SLC24A1: variants seen among roughly 807,000 people sequenced by gnomAD.
SLC24A1 encodes sodium/potassium/calcium exchanger 1.
SLC24A1 carries 52 observed loss-of-function variants against 88.1 expected under a neutral mutation model. The observed-to-expected ratio is 0.59, with a 90% CI of 0.47 to 0.74. SLC24A1 has a LOEUF of 0.74. Ranked by LOEUF, SLC24A1 falls within the 30% of genes least tolerant of loss-of-function variation. The pLI is 0.00. For missense variants in SLC24A1, 1,173 were observed against 1,363.3 expected (o/e 0.86, Z 2.20); for synonymous variants, 455 against 498.0 (o/e 0.91, Z 1.15).
intron 6 of SLC24A1, 127 bp downstream of exon 6, chr15:65,645,830 C>T (rs1398800138): frequency 1.6e-6 from 1 of 643,956 alleles, no homozygotes; most frequent in Non-Finnish European, 2.7e-6. Flanking sequence ...GTAAATATTA[C>T]CCTTTCTCTG....
intron 8 of SLC24A1, 138 bp from the exon 9 acceptor site, chr15:65,652,503 CT>C (rs1258439097): frequency 8.6e-6 from 6 of 694,056 alleles, no homozygotes; most frequent in Non-Finnish European, 9.7e-6. Context: ...GTCGGTCCCC[CT>C]ATCACCCTTC....
At chr15:65,615,480 C>T (rs555583116) in intron 2 of SLC24A1, among the ~76,000 whole-genome samples, 42 of 152,216 alleles carry the variant, frequency 2.8e-4, no homozygotes, top group Admixed American at 1.8e-3. Context: ...GTCAGGTGTT[C>T]GAGGCAAGCC....
rs577465396 is a variant in SLC24A1 at position 65,629,704 on chromosome 15, T to C, written c.1890+3734T>C. On this transcript the variant is annotated intron_variant, in intron 2 of 9. Coordinates refer to ENST00000261892, the MANE Select transcript of SLC24A1 (RefSeq NM_004727.3). ...GCGCTAGGCTGGCTGAAAAGCATTATTGGTATTTGAAGGACAGCAGGGGCC... is the reference window on the plus strand; with the variant it reads ...GCGCTAGGCTGGCTGAAAAGCATTACTGGTATTTGAAGGACAGCAGGGGCC... Among the ~76,000 whole-genome samples, 289 of 152,312 alleles carry C rather than the reference T, an allele frequency of 1.9e-3. 2 individuals carry two copies. The highest frequency in any genetic ancestry group is 6.8e-3 in the Middle Eastern group (2 of 294).
At chr15:65,632,719 T>C (rs371706142) in intron 2 of SLC24A1, among the ~76,000 whole-genome samples, 143 of 152,288 alleles carry the variant, frequency 9.4e-4, no homozygotes, top group African/African-American at 3.3e-3. Context: ...TGGTGATAAA[T>C]AAAGCACAGT....
downstream of SLC24A1, chr15:65,658,045 C>A (rs895783321): frequency 3.3e-5 from 5 of 152,172 alleles, no homozygotes; most frequent in South Asian, 1.0e-3. Context: ...TGAACAGGAA[C>A]TGTGGAAAGG....
intron 5 of SLC24A1, 33 bp from the exon 6 acceptor site, chr15:65,645,579 T>C: frequency 1.3e-6 from 2 of 1,497,450 alleles, no homozygotes; most frequent in Non-Finnish European, 1.8e-6. Context: ...CCTTGTCCAC[T>C]CTTCTGATGT....
chr15:65,625,917 C>T lies in SLC24A1; in HGVS notation c.1837C>T (p.Gln613Ter). The T allele has an allele frequency of 1.2e-6, 2 of 1,614,008 alleles. No homozygotes were observed. Among genetic ancestry groups the T allele is most frequent in the Non-Finnish European group, 1.7e-6 (2 of 1,179,900 alleles). ...GCATATCGAGGTCTGGGTGAAGGAG[C>T]AGCTCAGCAGGAGGCCAGTGGCCAA... ...NKHIEVWVKEQLSRRPVAKVM... is the reference protein window; with the variant it reads ...NKHIEVWVKE Residue 613 changes from glutamine to a stop codon, truncating the protein, a stop_gained, in exon 2 of 10, where the codon CAG (glutamine) becomes TAG (stop). Transcript: ENST00000261892. LOFTEE classifies it high-confidence loss of function.
At position 65,639,561 on chromosome 15, in the gene SLC24A1, CAG is replaced by C. The variant is rs542304603; in HGVS notation, c.1945-33_1945-32del. 7.1e-5 allele frequency: 102 copies of C among 1,432,178 alleles called. No individual in the cohort carries two copies. The African/African-American group carries it at 1.7e-3, about 24-fold the overall frequency. The allele number at this position is 1,432,178 out of a possible 1,614,324, so 88.7% of individuals were successfully genotyped here. On this transcript the variant is annotated intron_variant, in intron 3 of 9. Transcript: ENST00000261892. ...CGTGTGGTTCCTCCCCTGGCTTGGA[CAG>C]GGGCCCACTGTGCGGCTCTCCTCTT...
At chr15:65,660,393 A>G, downstream of SLC24A1, 1 of 1,177,774 alleles carries the variant, frequency 8.5e-7, no homozygotes, top group Admixed American at 2.0e-5. Context: ...AGATACCTCC[A>G]GTCCAAGTGT....
At chr15:65,634,700 G>A (rs556987547) in intron 2 of SLC24A1, among the ~76,000 whole-genome samples, 1 of 143,356 alleles carries the variant, frequency 7.0e-6, no homozygotes, top group Admixed American at 7.1e-5. Flanking sequence ...TTTATGCTTG[G>A]GAAAATAAAT....
chr15:65,616,063 C>T (rs1462829252), intron 2 of SLC24A1, among the ~76,000 whole-genome samples: 1 of 151,932 alleles, frequency 6.6e-6, no homozygotes, highest in East Asian at 1.9e-4. Flanking sequence ...TAAACTCATC[C>T]TTTTTTATGG....
At chr15:65,626,809 T>C (rs951894657) in intron 2 of SLC24A1, among the ~76,000 whole-genome samples, 3 of 151,936 alleles carry the variant, frequency 2.0e-5, no homozygotes, top group African/African-American at 7.3e-5. Context: ...GGGTTGGGAG[T>C]AACTGGGACT....
At chr15:65,636,065 A>G (rs934648110) in intron 2 of SLC24A1, among the ~76,000 whole-genome samples, 8 of 152,326 alleles carry the variant, frequency 5.3e-5, no homozygotes, top group African/African-American at 1.9e-4. Context: ...AGCAAGTTCA[A>G]TTCTGGTTTA....
Position 65,624,230 on chromosome 15 carries a change from G to A in SLC24A1, c.150G>A (p.Leu50=), listed in dbSNP as rs2074418874. The change falls in exon 2 of 10, where the codon TTG becomes TTA. Residue 50 remains leucine, a synonymous_variant. Transcript: ENST00000261892. ...HLRRPRGLSS[L]WAAVSSHQPI... is the part of the protein sequence containing the mutation. ...GGAGACCCCGGGGCCTTTCCTCATT[G>A]TGGGCAGCAGTCTCTTCTCATCAGC... 1 of 1,613,854 alleles carries A rather than the reference G, an allele frequency of 6.2e-7. No homozygotes were observed. The highest frequency in any genetic ancestry group is 1.3e-5 in the African/African-American group (1 of 74,968).
intron 4 of SLC24A1, chr15:65,643,072 G>C (rs2075184646): frequency 3.9e-6 from 5 of 1,271,060 alleles, no homozygotes; most frequent in African/African-American, 1.5e-5. Flanking sequence ...TGTTGTTACA[G>C]CTAAAAGTTA....
chr15:65,617,414 T>C (rs2074182557), upstream of SLC24A1, among the ~76,000 whole-genome samples: 1 of 152,248 alleles, frequency 6.6e-6, no homozygotes, highest in Non-Finnish European at 1.5e-5. Context: ...TGAGCAGTGG[T>C]TTGTAGTTCT....
intron 6 of SLC24A1, among the ~76,000 whole-genome samples, chr15:65,649,244 C>T (rs2075413336): frequency 6.6e-6 from 1 of 151,998 alleles, no homozygotes; most frequent in Non-Finnish European, 1.5e-5. Context: ...GGATTACAGG[C>T]GCCTGCCACC....
chr15:65,649,752 T>C (rs1474207319), intron 6 of SLC24A1, among the ~76,000 whole-genome samples: 1 of 152,210 alleles, frequency 6.6e-6, no homozygotes, highest in Non-Finnish European at 1.5e-5. Context: ...AGATATAAGG[T>C]AATAAAACAA....
upstream of SLC24A1, chr15:65,618,945 G>A (rs899067793): frequency 2.0e-5 from 3 of 152,222 alleles, no homozygotes; most frequent in Non-Finnish European, 4.4e-5. Context: ...GCTGCACTCA[G>A]TGTGAAGTGC....
Sources: allele counts gnomAD v4.1 joint callset (sites outside exome capture counted in the v4.1 genomes callset), GRCh38; gene constraint gnomAD v4.1.1; transcripts MANE v1.5; gene names NCBI Gene and HGNC (gene_info 2026-07-23, HGNC 2026-07-21).